RNF220: variants seen among roughly 807,000 people sequenced by gnomAD.
The protein encoded by RNF220 is ring finger protein 220.
A neutral mutation model predicts 67.1 loss-of-function variants in RNF220; 7 were observed. That is an observed-to-expected ratio of 0.10 (90% confidence interval 0.06 to 0.20). The LOEUF (loss-of-function observed/expected upper bound fraction) is 0.20. RNF220 is among the 10% of genes least tolerant of loss of function. The pLI is 1.00. For missense variants in RNF220, 565 were observed against 740.3 expected, an observed-to-expected ratio of 0.76 and a Z score of 2.75; for synonymous variants, 270 against 283.2, an observed-to-expected ratio of 0.95 and a Z score of 0.47.
At chr1:44,444,568 G>A (rs1001968490) in intron 2 of RNF220, among the ~76,000 whole-genome samples, 4 of 151,340 alleles carry the variant, frequency 2.6e-5, no homozygotes, top group Admixed American at 2.0e-4. Flanking sequence ...AGCCTCCTGA[G>A]TAGCTGGGAC....
In RNF220 at chr1:44,412,810, C is replaced by G; in HGVS notation, c.625+88C>G. ...ACAGGTCGGTGGCGTTTTGCATGCT[C>G]CTAGTAATAGGAAGGGCCAACTACT... On this transcript the variant is annotated intron_variant, in intron 2 of 14. Transcript: ENST00000361799. The surrounding 1 kb of genome is among the most constrained non-coding windows in gnomAD (Gnocchi z 5.3). 1.4e-6 allele frequency: 2 copies of G among 1,465,418 alleles called. No individual in the cohort carries two copies. Among genetic ancestry groups the G allele is most frequent in the South Asian group, 1.3e-5 (1 of 75,330 alleles). 90.8% of individuals were successfully genotyped at this position (1,465,418 alleles called of 1,614,324 possible). A position where few individuals can be genotyped will look rare whatever the true frequency, so the allele number is the denominator to read the frequency against.
intron 2 of RNF220, among the ~76,000 whole-genome samples, chr1:44,446,640 A>C (rs1572528098): frequency 1.3e-5 from 2 of 150,764 alleles, no homozygotes; most frequent in African/African-American, 4.9e-5. Context: ...GCTCACTGCA[A>C]CCTCCACCTC....
intron 2 of RNF220, among the ~76,000 whole-genome samples, chr1:44,526,334 G>A (rs1660373686): frequency 6.6e-6 from 1 of 152,062 alleles, no homozygotes; most frequent in Admixed American, 6.5e-5. Flanking sequence ...TCTCTTCACT[G>A]CCTCTGTTTA....
chr1:44,626,779 C>T (rs1000601892), intron 5 of RNF220: 1 of 188,194 alleles, frequency 5.3e-6, no homozygotes, highest in African/African-American at 2.4e-5. Context: ...TGGCTCATGC[C>T]TGTAATCTCA....
At chr1:44,627,123 G>C (rs1364986714) in intron 5 of RNF220, 1 of 149,850 alleles carries the variant, frequency 6.7e-6, no homozygotes, top group Non-Finnish European at 1.5e-5. Context: ...GAGGCGGGCG[G>C]ATCACGAGGT....
intron 2 of RNF220, among the ~76,000 whole-genome samples, chr1:44,551,212 T>G (rs1204943604): frequency 6.7e-6 from 1 of 149,460 alleles, no homozygotes; most frequent in Non-Finnish European, 1.5e-5. Flanking sequence ...CCTTCTGGAT[T>G]CAAGCAATTC....
chr1:44,407,802 C>T (rs1647533979), intron 1 of RNF220, among the ~76,000 whole-genome samples: 1 of 152,174 alleles, frequency 6.6e-6, no homozygotes, highest in African/African-American at 2.4e-5. Context: ...TCCGCGGCTG[C>T]CCGCTGAAGC....
At chr1:44,590,997 T>C (rs959055843) in intron 2 of RNF220, among the ~76,000 whole-genome samples, 1 of 152,168 alleles carries the variant, frequency 6.6e-6, no homozygotes, top group African/African-American at 2.4e-5. Context: ...GTTTCGCTCT[T>C]ATCACCCAGG....
chr1:44,526,360 A>G (rs1481220028), intron 2 of RNF220, among the ~76,000 whole-genome samples: 1 of 152,154 alleles, frequency 6.6e-6, no homozygotes, highest in Admixed American at 6.5e-5. Context: ...TTCTCTGTAG[A>G]TGACTTCATT....
intron 2 of RNF220, among the ~76,000 whole-genome samples, chr1:44,567,868 AC>A (rs1434227050): frequency 1.1e-4 from 17 of 151,552 alleles, no homozygotes; most frequent in Non-Finnish European, 4.4e-5. Flanking sequence ...CCTGCTGAAA[AC>A]CTGCCTGGGG....
At chr1:44,450,577 C>T (rs549337840) in intron 2 of RNF220, among the ~76,000 whole-genome samples, 9 of 152,248 alleles carry the variant, frequency 5.9e-5, no homozygotes, top group East Asian at 3.9e-4. Flanking sequence ...TAACCATAAA[C>T]GTGCTTCTTC....
At chr1:44,603,010 G>T (rs142371895) in intron 2 of RNF220, among the ~76,000 whole-genome samples, 9 of 151,996 alleles carry the variant, frequency 5.9e-5, no homozygotes, top group Non-Finnish European at 1.2e-4. Context: ...GCCACCCTGC[G>T]CCCATAGAGG....
At chr1:44,497,851 T>C (rs1317224950) in intron 2 of RNF220, among the ~76,000 whole-genome samples, 2 of 152,356 alleles carry the variant, frequency 1.3e-5, no homozygotes, top group East Asian at 1.9e-4. Context: ...GCTTCCTAAT[T>C]GTTAGGATAA....
intron 2 of RNF220, among the ~76,000 whole-genome samples, chr1:44,544,735 A>G (rs1661980663): frequency 1.3e-5 from 2 of 152,228 alleles, no homozygotes; most frequent in African/African-American, 4.8e-5. Context: ...GTTTGTTTCT[A>G]GCAGTGGGCT....
chr1:44,632,724 C>G (rs1024655111), intron 6 of RNF220: 3 of 423,038 alleles, frequency 7.1e-6, no homozygotes, highest in Non-Finnish European at 1.3e-5. Context: ...CTATACAAAC[C>G]TGCAGGGCGC....
intron 2 of RNF220, among the ~76,000 whole-genome samples, chr1:44,481,670 T>C (rs942391857): frequency 6.6e-6 from 1 of 152,024 alleles, no homozygotes; most frequent in Admixed American, 6.6e-5. Context: ...TGTTTTTCTT[T>C]AGAAGAAATA....
intron 2 of RNF220, among the ~76,000 whole-genome samples, chr1:44,470,350 C>G (rs35133816): frequency 0.28 from 42,327 of 152,120 alleles, 6,589 homozygotes; most frequent in African/African-American, 0.42. Flanking sequence ...CAGTTTAGAA[C>G]ATGCCAGCTT....
At chr1:44,578,118 ATT>A (rs1664950944) in intron 2 of RNF220, among the ~76,000 whole-genome samples, 3 of 128,098 alleles carry the variant, frequency 2.3e-5, no homozygotes, top group Admixed American at 2.3e-4. Flanking sequence ...TGCAACTGGG[ATT>A]TTCTTTCTTT....
chr1:44,469,682 TGAA>T (rs1572600420), intron 2 of RNF220, among the ~76,000 whole-genome samples: 1 of 152,160 alleles, frequency 6.6e-6, no homozygotes, highest in Non-Finnish European at 1.5e-5. Flanking sequence ...GCAGGCACTG[TGAA>T]GAAGAATTAT....
Sources: allele counts gnomAD v4.1 joint callset (sites outside exome capture counted in the v4.1 genomes callset), GRCh38; gene constraint gnomAD v4.1.1; non-coding constraint Gnocchi (gnomAD v3.1); transcripts MANE v1.5; gene names NCBI Gene and HGNC (gene_info 2026-07-23, HGNC 2026-07-21).